ZFHX3: variants seen among roughly 807,000 people sequenced by gnomAD.
ZFHX3 encodes zinc finger homeobox protein 3.
In ZFHX3, 42 loss-of-function variants were observed where a neutral mutation model predicts 279.1. That is an observed-to-expected ratio of 0.15 (90% CI 0.12 to 0.19). The LOEUF (loss-of-function observed/expected upper bound fraction) is 0.19, where lower values mean the gene tolerates loss of function less well. Among genes scored for constraint, ZFHX3 ranks in the 10% least tolerant of loss-of-function variants. The pLI, the probability that ZFHX3 is intolerant of heterozygous loss-of-function variation, is 1.00. For synonymous variants in ZFHX3, 2,293 were observed against 1,957.8 expected (o/e 1.17, Z -4.52); for missense variants, 4,981 against 4,754.0 (o/e 1.05, Z -1.40).
intron 1 of ZFHX3, among the ~76,000 whole-genome samples, chr16:73,032,203 G>C (rs1205093693): frequency 6.6e-6 from 1 of 152,150 alleles, no homozygotes; most frequent in Admixed American, 6.5e-5. Flanking sequence ...TTGCGGGACT[G>C]AGGTGGGAGG....
intron 1 of ZFHX3, among the ~76,000 whole-genome samples, chr16:73,864,697 A>T (rs949203105): frequency 6.6e-6 from 1 of 152,198 alleles, no homozygotes; most frequent in African/African-American, 2.4e-5. Flanking sequence ...TCCCACCCAG[A>T]CAACAGAGCA....
intron 4 of ZFHX3, among the ~76,000 whole-genome samples, chr16:72,863,384 G>A (rs925086626): frequency 2.0e-5 from 3 of 150,202 alleles, no homozygotes; most frequent in African/African-American, 7.5e-5. Flanking sequence ...CAGGCATGAT[G>A]GTGCGTGCCT....
In ZFHX3 at chr16:72,950,562, CTTGAGGTGCACGGGGTTGCCG is replaced by C; in HGVS notation, c.3102_3122del (p.Ile1034_Lys1041delinsMet). On this transcript the variant is annotated inframe_deletion, in exon 3 of 10. Coordinates refer to ENST00000268489, the MANE Select transcript of ZFHX3 (RefSeq NM_006885.4). Reference sequence around the variant, plus strand: ...TGGTGTAGTAGTCACAGGCGTTGCACTTGAGGTGCACGGGGTTGCCGATGGCCACACACTTGAGCCTCCACT... The same window carrying C: ...TGGTGTAGTAGTCACAGGCGTTGCACATGGCCACACACTTGAGCCTCCACT... 1 of 1,614,230 alleles carries C rather than the reference CTTGAGGTGCACGGGGTTGCCG, an allele frequency of 6.2e-7. No homozygotes were observed. The highest frequency in any genetic ancestry group is 1.6e-4 in the Middle Eastern group (1 of 6,062).
intron 1 of ZFHX3, among the ~76,000 whole-genome samples, chr16:73,741,113 C>T (rs1428867202): frequency 9.3e-5 from 14 of 149,796 alleles, no homozygotes; most frequent in Non-Finnish European, 2.1e-4. Context: ...CTCACTGCAA[C>T]CTCTGCCTCC....
intron 1 of ZFHX3, among the ~76,000 whole-genome samples, chr16:73,890,399 T>C (rs556477949): frequency 6.6e-6 from 1 of 152,306 alleles, no homozygotes; most frequent in Admixed American, 6.5e-5. Flanking sequence ...ACTAGCCGCC[T>C]GAGAATTTGC....
At chr16:73,714,663 A>T (rs1245956232) in intron 1 of ZFHX3, among the ~76,000 whole-genome samples, 1 of 152,216 alleles carries the variant, frequency 6.6e-6, no homozygotes, top group Non-Finnish European at 1.5e-5. Flanking sequence ...CTTCCTGATC[A>T]GCTAGAACAT....
intron 1 of ZFHX3, among the ~76,000 whole-genome samples, chr16:73,716,455 T>A (rs1038433356): frequency 6.6e-6 from 1 of 152,126 alleles, no homozygotes; most frequent in Non-Finnish European, 1.5e-5. Context: ...GACGGGCTAT[T>A]TTCCTTAATC....
At chr16:72,853,729 G>C (rs1299919151) in intron 4 of ZFHX3, among the ~76,000 whole-genome samples, 1 of 152,192 alleles carries the variant, frequency 6.6e-6, no homozygotes, top group South Asian at 2.1e-4. Flanking sequence ...ATTCAGGAGG[G>C]CGGGGAAGGA....
At chr16:73,142,549 T>C (rs946703750) in intron 6 of ZFHX3, among the ~76,000 whole-genome samples, 4 of 152,150 alleles carry the variant, frequency 2.6e-5, no homozygotes, top group Admixed American at 6.5e-5. Flanking sequence ...AGAAAATCCT[T>C]ATAAACAGTA....
intron 2 of ZFHX3, among the ~76,000 whole-genome samples, chr16:73,674,489 A>G (rs1433134470): frequency 6.6e-6 from 1 of 152,250 alleles, no homozygotes; most frequent in East Asian, 1.9e-4. Flanking sequence ...AACACAGTCA[A>G]GAATAGACAA....
intron 8 of ZFHX3, among the ~76,000 whole-genome samples, chr16:73,080,811 C>T (rs935884857): frequency 7.2e-5 from 11 of 152,174 alleles, no homozygotes; most frequent in African/African-American, 2.2e-4. Context: ...GAACTCCTGG[C>T]CTCAAGCAAT....
At chr16:72,887,777 T>A (rs962563359) in intron 4 of ZFHX3, among the ~76,000 whole-genome samples, 1 of 150,474 alleles carries the variant, frequency 6.6e-6, no homozygotes, top group Non-Finnish European at 1.5e-5. Flanking sequence ...ATACAGGGGG[T>A]GTGTGTGTGT....
intron 3 of ZFHX3, among the ~76,000 whole-genome samples, chr16:72,946,059 T>C (rs926824649): frequency 6.6e-6 from 1 of 152,214 alleles, no homozygotes; most frequent in Admixed American, 6.5e-5. Context: ...AATGAGTTTC[T>C]TATGCATCAG....
At chr16:73,884,538 T>C (rs1051417236) in intron 1 of ZFHX3, among the ~76,000 whole-genome samples, 2 of 152,218 alleles carry the variant, frequency 1.3e-5, no homozygotes, top group African/African-American at 4.8e-5. Flanking sequence ...TTGTTTGTTT[T>C]GGATTCAAAA....
At chr16:73,831,927 GTC>G (rs1961007393) in intron 1 of ZFHX3, among the ~76,000 whole-genome samples, 1 of 152,158 alleles carries the variant, frequency 6.6e-6, no homozygotes. Flanking sequence ...TTGAAATGGA[GTC>G]TCTCTCTGTC....
chr16:73,229,109 G>A (rs1052874604), intron 5 of ZFHX3, among the ~76,000 whole-genome samples: 1 of 152,154 alleles, frequency 6.6e-6, no homozygotes, highest in Non-Finnish European at 1.5e-5. Flanking sequence ...AACAAGATCT[G>A]CTGCTCACCT....
intron 8 of ZFHX3, among the ~76,000 whole-genome samples, chr16:73,079,630 C>T (rs868475993): frequency 1.2e-4 from 18 of 152,152 alleles, no homozygotes; most frequent in African/African-American, 4.3e-4. Flanking sequence ...TGAGCTGCCA[C>T]ACCTGGCCTC....
chr16:73,509,660 G>T (rs1027918767), intron 2 of ZFHX3, among the ~76,000 whole-genome samples: 13 of 147,794 alleles, frequency 8.8e-5, no homozygotes, highest in Admixed American at 2.0e-4. Flanking sequence ...GAGTAGCTGG[G>T]ATTATAGGCG....
intron 1 of ZFHX3, among the ~76,000 whole-genome samples, chr16:73,763,734 G>T (rs776335965): frequency 6.6e-6 from 1 of 152,114 alleles, no homozygotes; most frequent in Non-Finnish European, 1.5e-5. Flanking sequence ...CTCTCAGCAG[G>T]TGGCTTTAAT....
Sources: gnomAD v4.1 joint callset for allele counts (sites outside exome capture counted in the v4.1 genomes callset) on GRCh38, gnomAD v4.1.1 for gene constraint, MANE v1.5 for transcripts, NCBI Gene and HGNC (gene_info 2026-07-23, HGNC 2026-07-21) for gene names.